CREBBP: variants seen among roughly 807,000 people sequenced by gnomAD.
CREBBP encodes CREB binding lysine acetyltransferase.
CREBBP carries 19 observed loss-of-function variants against 265.0 expected under a neutral mutation model. The ratio of observed to expected loss-of-function variants is 0.07; its 90% CI spans 0.05 to 0.11. The LOEUF (loss-of-function observed/expected upper bound fraction) is 0.11. Among genes scored for constraint, CREBBP ranks in the 10% least tolerant of loss-of-function variants. CREBBP has a pLI of 1.00. For missense variants in CREBBP, 2,525 were observed against 3,219.0 expected, an observed-to-expected ratio of 0.78 and a Z score of 5.22; for synonymous variants, 1,457 against 1,223.7, an observed-to-expected ratio of 1.19 and a Z score of -3.98.
At chr16:3,776,772 G>C (rs769330229) in intron 11 of CREBBP, among the ~76,000 whole-genome samples, 45 of 151,966 alleles carry the variant, frequency 3.0e-4, no homozygotes, top group Non-Finnish European at 1.2e-4. Flanking sequence ...CAGCACTTTG[G>C]AAGGCCAAGG....
Position 3,855,972 on chromosome 16 carries a change from C to T in CREBBP, c.86-4963G>A, listed in dbSNP as rs1032235361. Among the ~76,000 whole-genome samples the T allele has an allele frequency of 2.6e-5, 4 of 152,180 alleles. No individual in the cohort carries two copies. In the East Asian group the frequency reaches 5.8e-4, roughly 22 times the overall value. On this transcript the variant is annotated intron_variant, in intron 1 of 30. Transcript: ENST00000262367. ...ATTTTTGTCCAACCCAAATGATAAA[C>T]GTTTGAGGTGGTAGATATCCTAATT...
At chr16:3,774,023 C>T in intron 12 of CREBBP, 93 bp from the exon 13 acceptor site, 11 of 1,398,884 alleles carry the variant, frequency 7.9e-6, no homozygotes, top group African/African-American at 1.4e-5. Flanking sequence ...CTTCACAACC[C>T]CAGAGGATGG....
intron 1 of CREBBP, among the ~76,000 whole-genome samples, chr16:3,870,601 A>C (rs1384236317): frequency 1.3e-5 from 2 of 152,176 alleles, no homozygotes; most frequent in African/African-American, 4.8e-5. Flanking sequence ...CTCGAATCTT[A>C]GTTCGTTTTC....
chr16:3,832,679 T>C (rs925299892), intron 2 of CREBBP, among the ~76,000 whole-genome samples: 6 of 152,184 alleles, frequency 3.9e-5, no homozygotes, highest in African/African-American at 9.7e-5. Context: ...TAAAAATATA[T>C]TATAGTCTTA....
At chr16:3,874,207 G>A (rs542929821) in intron 1 of CREBBP, among the ~76,000 whole-genome samples, 278 of 152,300 alleles carry the variant, frequency 1.8e-3, no homozygotes, top group Middle Eastern at 3.4e-3. Flanking sequence ...CTGTTACAGA[G>A]GAACAAAAAA....
intron 20 of CREBBP, 29 bp downstream of exon 20, chr16:3,751,697 C>A (rs778843621): frequency 1.2e-6 from 2 of 1,609,420 alleles, no homozygotes; most frequent in East Asian, 4.5e-5. Flanking sequence ...CCTCCCTCAC[C>A]CCAGAGAAAA....
intron 24 of CREBBP, 91 bp from the exon 25 acceptor site, chr16:3,739,815 T>C (rs1596812439): frequency 6.4e-7 from 1 of 1,570,180 alleles, no homozygotes. Context: ...CTCTGGCCAC[T>C]GCAGATGAGC....
chr16:3,811,838 C>G (rs560622756), intron 2 of CREBBP, among the ~76,000 whole-genome samples: 9 of 152,216 alleles, frequency 5.9e-5, no homozygotes, highest in African/African-American at 2.2e-4. Flanking sequence ...TAGCTTACTT[C>G]ACTGTAAAGA....
At chr16:3,730,722 G>A (rs764516605) in intron 30 of CREBBP, among the ~76,000 whole-genome samples, 1 of 152,178 alleles carries the variant, frequency 6.6e-6, no homozygotes, top group Non-Finnish European at 1.5e-5. Flanking sequence ...TGTCCTGGGA[G>A]GGGGATGGTG....
chr16:3,818,413 T>C (rs1404261659), intron 2 of CREBBP, among the ~76,000 whole-genome samples: 1 of 150,726 alleles, frequency 6.6e-6, no homozygotes, highest in Non-Finnish European at 1.5e-5. Context: ...GTTCAAGCGA[T>C]TCTCCCGTCT....
intron 13 of CREBBP, 90 bp from the exon 14 acceptor site, chr16:3,771,076 A>AATT: frequency 7.8e-7 from 1 of 1,285,964 alleles, no homozygotes; most frequent in South Asian, 1.3e-5. Flanking sequence ...TGAAAAAAAA[A>AATT]TTTTTTTTTT....
chr16:3,732,082 TGGCTGTAGGTGC>T, intron 28 of CREBBP, 145 bp from the exon 29 acceptor site: 1 of 1,454,656 alleles, frequency 6.9e-7, no homozygotes, highest in Non-Finnish European at 9.5e-7. Context: ...CGGCTACAGG[TGGCTGTAGGTGC>T]TGCAGCCTTC....
chr16:3,784,523 C>T (rs1797848187), intron 5 of CREBBP: 1 of 152,170 alleles, frequency 6.6e-6, no homozygotes, highest in Non-Finnish European at 1.5e-5. Flanking sequence ...AAACCGACAT[C>T]CTACATTTTT....
chr16:3,789,803 T>C (rs759867305), intron 5 of CREBBP, among the ~76,000 whole-genome samples: 4 of 152,058 alleles, frequency 2.6e-5, no homozygotes, highest in Non-Finnish European at 2.9e-5. Context: ...TTCTGACTAG[T>C]AGAAAACCTG....
chr16:3,801,480 C>A (rs2053711066), intron 3 of CREBBP, among the ~76,000 whole-genome samples: 1 of 152,224 alleles, frequency 6.6e-6, no homozygotes, highest in Non-Finnish European at 1.5e-5. Flanking sequence ...ACCAGCCTAA[C>A]TAACATGGTG....
intron 1 of CREBBP, among the ~76,000 whole-genome samples, chr16:3,869,666 C>T (rs2055252479): frequency 6.6e-6 from 1 of 152,176 alleles, no homozygotes; most frequent in Non-Finnish European, 1.5e-5. Context: ...AACAGCCACA[C>T]GTGGCTCGTG....
intron 19 of CREBBP, among the ~76,000 whole-genome samples, chr16:3,753,838 T>C (rs944831018): frequency 6.6e-6 from 1 of 152,156 alleles, no homozygotes; most frequent in Non-Finnish European, 1.5e-5. Flanking sequence ...TATGGCCAAC[T>C]AGAAGGGACC....
At chr16:3,751,241 A>AT (rs964475021) in intron 20 of CREBBP, among the ~76,000 whole-genome samples, 5 of 152,152 alleles carry the variant, frequency 3.3e-5, no homozygotes, top group African/African-American at 1.2e-4. Flanking sequence ...GCCAAAACAC[A>AT]TTTTTCAGTG....
chr16:3,850,685 G>A lies in CREBBP; in HGVS notation c.410C>T (p.Ala137Val), dbSNP rs1402755407. 2.5e-6 allele frequency: 4 copies of A among 1,614,052 alleles called. No individual in the cohort carries two copies. The highest frequency in any genetic ancestry group is 3.4e-6 in the Non-Finnish European group (4 of 1,180,054). ...GGGGGTGGGCCCAGAGGTGCTGGCT[G>A]CCTGTTTAGGCAGGCTGGGGGCTGA... ...DSSAPSLPKQ[A>V]ASTSGPTPAA... Residue 137 changes from alanine (A) to valine (V), a missense_variant, in exon 2 of 31, where the codon GCA becomes GTA. Ala to Val is a moderately conservative substitution (Grantham distance 64, BLOSUM62 0). Coordinates refer to ENST00000262367, the MANE Select transcript of CREBBP (RefSeq NM_004380.3).
Sources: gnomAD v4.1 joint callset for allele counts (sites outside exome capture counted in the v4.1 genomes callset) on GRCh38, gnomAD v4.1.1 for gene constraint, MANE v1.5 for transcripts, NCBI Gene and HGNC (gene_info 2026-07-23, HGNC 2026-07-21) for gene names.